Variants in HSD17B2 observed in about 807,000 individuals in gnomAD.
HSD17B2 encodes hydroxysteroid 17-beta dehydrogenase 2.
A neutral mutation model predicts 26.9 loss-of-function variants in HSD17B2; 32 were observed. That is an observed-to-expected ratio of 1.19 (90% CI 0.90 to 1.60). HSD17B2 has a LOEUF of 1.60. Ranked by LOEUF, HSD17B2 falls within the 40% of genes most tolerant of loss-of-function variation. HSD17B2 has a pLI of 0.00. For missense variants in HSD17B2, 613 were observed against 468.6 expected (o/e 1.31, Z -2.85); for synonymous variants, 246 against 186.7 (o/e 1.32, Z -2.59).
intron 1 of HSD17B2, among the ~76,000 whole-genome samples, chr16:82,044,113 T>G (rs1913845868): frequency 6.6e-6 from 1 of 152,176 alleles, no homozygotes; most frequent in Non-Finnish European, 1.5e-5. Flanking sequence ...CTGAACCATT[T>G]CCAGTTTCTT....
intron 3 of HSD17B2, among the ~76,000 whole-genome samples, chr16:82,081,012 C>G (rs1358909702): frequency 6.6e-6 from 1 of 152,018 alleles, no homozygotes; most frequent in African/African-American, 2.4e-5. Context: ...TTACTTCCCC[C>G]TCCCTGTCCT....
chr16:82,064,797 C>T (rs1173814079), intron 1 of HSD17B2, among the ~76,000 whole-genome samples: 2 of 152,224 alleles, frequency 1.3e-5, no homozygotes, highest in Non-Finnish European at 2.9e-5. Flanking sequence ...CAACATCTGA[C>T]CTCAGACTCT....
chr16:82,047,840 C>T (rs1044578451), intron 1 of HSD17B2, among the ~76,000 whole-genome samples: 1 of 152,126 alleles, frequency 6.6e-6, no homozygotes, highest in African/African-American at 2.4e-5. Flanking sequence ...GGCACTATGG[C>T]CCCAGTGAAA....
chr16:82,051,592 G>A (rs1280878664), intron 1 of HSD17B2, among the ~76,000 whole-genome samples: 2 of 152,066 alleles, frequency 1.3e-5, no homozygotes, highest in African/African-American at 4.8e-5. Flanking sequence ...GAGGGGAGGG[G>A]AAGTATCAGG....
intron 1 of HSD17B2, among the ~76,000 whole-genome samples, chr16:82,048,598 G>C (rs772848995): frequency 5.9e-5 from 9 of 152,190 alleles, no homozygotes; most frequent in Non-Finnish European, 1.5e-5. Context: ...GGAAGGACTT[G>C]AAGAAGAGAC....
chr16:82,069,850 C>G (rs1914657070), intron 2 of HSD17B2, among the ~76,000 whole-genome samples: 1 of 152,100 alleles, frequency 6.6e-6, no homozygotes, highest in Non-Finnish European at 1.5e-5. Flanking sequence ...GAGACTGAAA[C>G]CACGTGCAGG....
In HSD17B2 at chr16:82,035,539, G is replaced by T. The variant is rs1485704177; in HGVS notation, c.115G>T (p.Val39Phe). 6.2e-7 allele frequency: 1 copy of T among 1,613,956 alleles called. No homozygotes were observed. The highest frequency in any genetic ancestry group is 8.5e-7 in the Non-Finnish European group (1 of 1,180,044). ...CTCAGGGCAGCTGTGGAGCTGGATG[G>T]TCTGCCTGGCAGGCCTCTGTGCAGT... is the stretch of plus-strand genomic sequence containing the variant. ...KSSGQLWSWM[V>F]CLAGLCAVCL... is the part of the protein sequence containing the mutation. The change falls in exon 1 of 5, where the codon GTC (valine) becomes TTC (phenylalanine). Residue 39 changes from valine (V) to phenylalanine (F), a missense_variant. Coordinates refer to ENST00000199936, the MANE Select transcript of HSD17B2 (RefSeq NM_002153.3).
chr16:82,041,933 T>A (rs1329917473), intron 1 of HSD17B2, among the ~76,000 whole-genome samples: 1 of 152,134 alleles, frequency 6.6e-6, no homozygotes, highest in African/African-American at 2.4e-5. Flanking sequence ...AAACTTTAAA[T>A]TTGGCATGTT....
intron 3 of HSD17B2, among the ~76,000 whole-genome samples, chr16:82,087,221 G>A (rs1904553067): frequency 6.6e-6 from 1 of 152,138 alleles, no homozygotes; most frequent in Non-Finnish European, 1.5e-5. Flanking sequence ...ATACAACATT[G>A]TGCCAATAGT....
chr16:82,078,147 T>C (rs932654557), intron 3 of HSD17B2, among the ~76,000 whole-genome samples: 1 of 152,120 alleles, frequency 6.6e-6, no homozygotes, highest in Non-Finnish European at 1.5e-5. Flanking sequence ...AAAGACTTAA[T>C]AACCAGAAAA....
At chr16:82,054,598 G>A (rs1048328670) in intron 1 of HSD17B2, among the ~76,000 whole-genome samples, 6 of 152,184 alleles carry the variant, frequency 3.9e-5, no homozygotes, top group Non-Finnish European at 8.8e-5. Context: ...ACCTGCCCCA[G>A]CCTCCCAAAG....
chr16:82,063,579 AC>A (rs1448142639), intron 1 of HSD17B2, among the ~76,000 whole-genome samples: 1 of 152,184 alleles, frequency 6.6e-6, no homozygotes, highest in Non-Finnish European at 1.5e-5. Context: ...GTTAGGAGAG[AC>A]TTTATTCAAA....
chr16:82,080,523 G>A (rs1422550142), intron 3 of HSD17B2, among the ~76,000 whole-genome samples: 1 of 152,144 alleles, frequency 6.6e-6, no homozygotes, highest in Non-Finnish European at 1.5e-5. Context: ...TTCTCCCCTA[G>A]AGCCTCCAGA....
At chr16:82,093,710 A>C (rs966870469) in intron 4 of HSD17B2, 4 of 152,220 alleles carry the variant, frequency 2.6e-5, no homozygotes, top group Admixed American at 1.3e-4. Flanking sequence ...CTGTAGAGTA[A>C]AGTGAAAGCA....
chr16:82,060,476 G>T (rs1195163690), intron 1 of HSD17B2, among the ~76,000 whole-genome samples: 1 of 152,232 alleles, frequency 6.6e-6, no homozygotes, highest in Non-Finnish European at 1.5e-5. Context: ...TGGGTCCCTT[G>T]TGGGAATGCC....
intron 1 of HSD17B2, among the ~76,000 whole-genome samples, chr16:82,064,389 T>C (rs1270222134): frequency 1.3e-5 from 2 of 152,224 alleles, no homozygotes; most frequent in African/African-American, 4.8e-5. Flanking sequence ...GTATACCATA[T>C]TTTTTATCCA....
intron 1 of HSD17B2, among the ~76,000 whole-genome samples, chr16:82,051,068 C>A (rs1476772687): frequency 2.6e-5 from 4 of 152,284 alleles, no homozygotes; most frequent in African/African-American, 9.6e-5. Flanking sequence ...GTTCTCCAGG[C>A]TTTAAGTCTC....
At chr16:82,071,238 A>G (rs769057335) in intron 3 of HSD17B2, 111 bp downstream of exon 3, 2 of 998,354 alleles carry the variant, frequency 2.0e-6, no homozygotes, top group South Asian at 2.6e-5. Flanking sequence ...GGGTTGGGTC[A>G]GGATTAGTCA....
chr16:82,089,816 T>C (rs1311876872), intron 3 of HSD17B2, among the ~76,000 whole-genome samples: 1 of 152,122 alleles, frequency 6.6e-6, no homozygotes, highest in Non-Finnish European at 1.5e-5. Context: ...AGGACACCCA[T>C]CATTAATTAG....
Sources: allele counts gnomAD v4.1 joint callset (sites outside exome capture counted in the v4.1 genomes callset), GRCh38; gene constraint gnomAD v4.1.1; transcripts MANE v1.5; gene names NCBI Gene and HGNC (gene_info 2026-07-23, HGNC 2026-07-21).